DLGAP4: variants seen among roughly 807,000 people sequenced by gnomAD.
DLGAP4 encodes the protein DLG associated protein 4.
Under a neutral mutation model 86.9 loss-of-function variants are expected in DLGAP4, and 18 were observed. The ratio of observed to expected loss-of-function variants is 0.21; its 90% confidence interval spans 0.14 to 0.31. DLGAP4 has a LOEUF of 0.31. Among genes scored for constraint, DLGAP4 ranks in the 10% least tolerant of loss-of-function variants. The probability of loss-of-function intolerance (pLI) is 1.00; values close to 1 mark genes in which losing one functional copy is unlikely to be tolerated. For synonymous variants in DLGAP4, 548 were observed against 574.3 expected, an observed-to-expected ratio of 0.95 and a Z score of 0.65; for missense variants, 1,085 against 1,362.6, an observed-to-expected ratio of 0.80 and a Z score of 3.21.
At chr20:36,454,275 TAGAA>T (rs1287820208) in intron 7 of DLGAP4, among the ~76,000 whole-genome samples, 9 of 144,266 alleles carry the variant, frequency 6.2e-5, no homozygotes, top group African/African-American at 1.3e-4. Context: ...AAAAAAAAGA[TAGAA>T]AGAAAGGGCA....
At chr20:36,307,009 A>G (rs1316231241) in intron 1 of DLGAP4, among the ~76,000 whole-genome samples, 2 of 148,142 alleles carry the variant, frequency 1.4e-5, no homozygotes. Flanking sequence ...CCTCCATTCA[A>G]CCCAGCTGCC....
At chr20:36,376,785 G>T (rs140633115) in intron 2 of DLGAP4, among the ~76,000 whole-genome samples, 3 of 152,162 alleles carry the variant, frequency 2.0e-5, no homozygotes, top group Non-Finnish European at 4.4e-5. Context: ...CCAGGGTCCC[G>T]CGTCTCTTCC....
chr20:36,446,557 C>G (rs539610322), intron 6 of DLGAP4, 140 bp from the exon 7 acceptor site: 3 of 750,470 alleles, frequency 4.0e-6, no homozygotes, highest in Non-Finnish European at 6.5e-6. Context: ...CCATCCCATA[C>G]GCTGAGTGAG....
intron 7 of DLGAP4, chr20:36,465,265 G>T (rs2034297760): frequency 6.6e-6 from 1 of 151,734 alleles, no homozygotes; most frequent in African/African-American, 2.4e-5. Flanking sequence ...TCTCTCCCAG[G>T]CTGTGTGAGG....
intron 7 of DLGAP4, among the ~76,000 whole-genome samples, chr20:36,453,127 C>A (rs1245232428): frequency 6.6e-6 from 1 of 152,214 alleles, no homozygotes; most frequent in African/African-American, 2.4e-5. Flanking sequence ...GTCACCACGC[C>A]TGGCCCCTTT....
At chr20:36,321,622 A>C (rs1857360254) in intron 1 of DLGAP4, among the ~76,000 whole-genome samples, 1 of 152,264 alleles carries the variant, frequency 6.6e-6, no homozygotes, top group African/African-American at 2.4e-5. Flanking sequence ...AGGAGGGCTC[A>C]GTGCTTGTGA....
intron 6 of DLGAP4, among the ~76,000 whole-genome samples, chr20:36,444,958 A>T (rs1013031182): frequency 1.4e-4 from 21 of 151,804 alleles, no homozygotes; most frequent in South Asian, 1.0e-3. Context: ...TATTATTATT[A>T]TTTTTTAATT....
chr20:36,359,389 G>C (rs1298342878), intron 1 of DLGAP4, among the ~76,000 whole-genome samples: 2 of 152,346 alleles, frequency 1.3e-5, no homozygotes, highest in African/African-American at 4.8e-5. Context: ...GTGCAGATTA[G>C]AGCATTTCCA....
chr20:36,461,594 C>T, intron 7 of DLGAP4: 1 of 958,566 alleles, frequency 1.0e-6, no homozygotes, highest in Non-Finnish European at 1.2e-6. Flanking sequence ...CTCCTCAGCC[C>T]GGACGCCCGG....
intron 7 of DLGAP4, among the ~76,000 whole-genome samples, chr20:36,466,940 C>CTCTCTGTCTCTCTCTCTCTCTCTCTG (rs2034388106): frequency 6.8e-6 from 1 of 147,726 alleles, no homozygotes; most frequent in African/African-American, 2.6e-5. Context: ...CTCTCTCTCT[C>CTCTCTGTCTCTCTCTCTCTCTCTCTG]TCTCTGTCTC....
intron 2 of DLGAP4, among the ~76,000 whole-genome samples, chr20:36,394,465 C>T (rs901601176): frequency 6.6e-6 from 1 of 152,200 alleles, no homozygotes; most frequent in African/African-American, 2.4e-5. Context: ...AAGACGGACT[C>T]CATGGTCCCC....
At chr20:36,382,519 C>CT (rs1167291519) in intron 2 of DLGAP4, among the ~76,000 whole-genome samples, 2 of 140,544 alleles carry the variant, frequency 1.4e-5, no homozygotes, top group Non-Finnish European at 1.5e-5. Flanking sequence ...TTCTTTCTTT[C>CT]TTTTTTTCTT....
chr20:36,327,837 C>T (rs1192648369), intron 1 of DLGAP4, among the ~76,000 whole-genome samples: 9 of 148,004 alleles, frequency 6.1e-5, no homozygotes, highest in South Asian at 4.2e-4. Flanking sequence ...GTGATCCGCC[C>T]GCCTCGGCCT....
At chr20:36,335,530 G>C (rs553530055) in intron 1 of DLGAP4, among the ~76,000 whole-genome samples, 6 of 152,282 alleles carry the variant, frequency 3.9e-5, no homozygotes, top group African/African-American at 1.4e-4. Context: ...TATTGTGACT[G>C]TCGAGACTGT....
chr20:36,316,733 AC>A (rs1210528813), intron 1 of DLGAP4, among the ~76,000 whole-genome samples: 1 of 151,120 alleles, frequency 6.6e-6, no homozygotes. Flanking sequence ...GCTCCCAAGC[AC>A]CCCCTCACAG....
At chr20:36,321,560 C>T (rs535465112) in intron 1 of DLGAP4, among the ~76,000 whole-genome samples, 28 of 152,252 alleles carry the variant, frequency 1.8e-4, no homozygotes, top group Non-Finnish European at 4.1e-4. Context: ...ACGTGCTCAG[C>T]GCCTGGTGAG....
At chr20:36,388,951 G>T (rs1355698175) in intron 2 of DLGAP4, among the ~76,000 whole-genome samples, 1 of 152,214 alleles carries the variant, frequency 6.6e-6, no homozygotes, top group Non-Finnish European at 1.5e-5. Flanking sequence ...TAGGATGACA[G>T]GATTTGCTGT....
At chr20:36,467,018 CTCT>C (rs2034414699) in intron 7 of DLGAP4, among the ~76,000 whole-genome samples, 3 of 2,382 alleles carry the variant, frequency 1.3e-3, no homozygotes, top group East Asian at 7.6e-3. Flanking sequence ...TCTCTCTCTC[CTCT>C]CTCTCTCTCT....
intron 11 of DLGAP4, 193 bp from the exon 12 acceptor site, chr20:36,525,658 A>C: frequency 1.5e-6 from 1 of 686,750 alleles, no homozygotes; most frequent in African/African-American, 1.8e-5. Context: ...TCCCCCAAAG[A>C]TCCCCACCAC....
Sources: gnomAD v4.1 joint callset for allele counts (sites outside exome capture counted in the v4.1 genomes callset) on GRCh38, gnomAD v4.1.1 for gene constraint, MANE v1.5 for transcripts, NCBI Gene and HGNC (gene_info 2026-07-23, HGNC 2026-07-21) for gene names.